BICC1: variants seen among roughly 807,000 people sequenced by gnomAD.
BICC1 encodes the protein BicC family RNA binding protein 1.
BICC1 carries 43 observed loss-of-function variants against 111.0 expected under a neutral mutation model. The observed-to-expected ratio is 0.39, with a 90% confidence interval of 0.30 to 0.50. BICC1 has a LOEUF of 0.50. Ranked by LOEUF, BICC1 falls within the 20% of genes least tolerant of loss-of-function variation. BICC1 has a pLI of 0.88. For synonymous variants in BICC1, 467 were observed against 434.4 expected, an observed-to-expected ratio of 1.07 and a Z score of -0.93; for missense variants, 1,091 against 1,203.2, an observed-to-expected ratio of 0.91 and a Z score of 1.38.
chr10:58,719,469 C>T (rs1840868956), intron 3 of BICC1, among the ~76,000 whole-genome samples: 2 of 151,964 alleles, frequency 1.3e-5, no homozygotes, highest in African/African-American at 4.8e-5. Flanking sequence ...CTCTTTCTTG[C>T]ACCAGCTCAG....
intron 1 of BICC1, among the ~76,000 whole-genome samples, chr10:58,540,147 C>T (rs1842923253): frequency 1.3e-5 from 2 of 151,762 alleles, no homozygotes; most frequent in South Asian, 2.1e-4. Flanking sequence ...AAGTTTATAG[C>T]AGTAAACATC....
chr10:58,513,442 T>G, intron 1 of BICC1, 109 bp downstream of exon 1: 2 of 1,084,086 alleles, frequency 1.8e-6, no homozygotes, highest in Non-Finnish European at 2.5e-6. Context: ...GCCGGCCGGT[T>G]TAGCTCCAGG....
chr10:58,789,439 A>G lies in BICC1; in HGVS notation c.778A>G (p.Asn260Asp), dbSNP rs1186850388. The change falls in exon 7 of 21, where the codon AAC becomes GAC. Residue 260 changes from asparagine to aspartate, a missense_variant. By Grantham distance (23) the Asn-to-Asp change is conservative (BLOSUM62 1). Around this residue, in one of 3 missense-constraint regions of BICC1, gnomAD observed 843 missense variants for 900.8 expected, o/e 0.94. Transcript: ENST00000373886. The part of the protein sequence containing the change: ...ATVIVRGSQN[N>D]TSAVKEGTAM... ...TGTCATAGTACGAGGGTCTCAGAAT[A>G]ACACTAGTGCTGTGAAGGTAAATTA... 3.1e-6 allele frequency: 5 copies of G among 1,613,682 alleles called. No homozygotes were observed. In the East Asian group the frequency reaches 1.1e-4, roughly 36 times the overall value.
chr10:58,763,640 C>A (rs1452044238), intron 3 of BICC1, among the ~76,000 whole-genome samples: 1 of 151,956 alleles, frequency 6.6e-6, no homozygotes, highest in African/African-American at 2.4e-5. Flanking sequence ...GATCTGTTAA[C>A]CTTTGGATTG....
intron 1 of BICC1, among the ~76,000 whole-genome samples, chr10:58,590,453 A>G (rs1193397528): frequency 2.0e-5 from 3 of 152,144 alleles, no homozygotes; most frequent in Non-Finnish European, 4.4e-5. Flanking sequence ...CCCATTTTAG[A>G]GTATCTCTTA....
chr10:58,774,236 G>C (rs530415747), intron 3 of BICC1, among the ~76,000 whole-genome samples: 1 of 152,324 alleles, frequency 6.6e-6, no homozygotes, highest in South Asian at 2.1e-4. Context: ...AAGAGATAAA[G>C]TTGAGAAACT....
At chr10:58,596,939 G>A (rs1027894913) in intron 1 of BICC1, among the ~76,000 whole-genome samples, 1 of 152,164 alleles carries the variant, frequency 6.6e-6, no homozygotes, top group African/African-American at 2.4e-5. Context: ...CCATGCTCAT[G>A]GATAGGAAGA....
At chr10:58,791,708 C>G (rs1334696107) in intron 8 of BICC1, among the ~76,000 whole-genome samples, 1 of 152,084 alleles carries the variant, frequency 6.6e-6, no homozygotes, top group Non-Finnish European at 1.5e-5. Context: ...CCACTGCACT[C>G]CAGCCTGGGT....
At chr10:58,684,107 G>A (rs528198487) in intron 2 of BICC1, among the ~76,000 whole-genome samples, 1 of 152,260 alleles carries the variant, frequency 6.6e-6, no homozygotes, top group East Asian at 1.9e-4. Context: ...TTCGTCGAAG[G>A]CCTTTTCTGC....
At chr10:58,804,486 C>G (rs995925261) in intron 15 of BICC1, among the ~76,000 whole-genome samples, 1 of 152,056 alleles carries the variant, frequency 6.6e-6, no homozygotes, top group Non-Finnish European at 1.5e-5. Flanking sequence ...CCACTGCACT[C>G]TAGCCTGGGA....
chr10:58,731,882 T>G (rs1043744347), intron 3 of BICC1, among the ~76,000 whole-genome samples: 6 of 152,238 alleles, frequency 3.9e-5, no homozygotes, highest in Admixed American at 6.5e-5. Context: ...CCACCAGGCC[T>G]TACCTCCAAC....
intron 1 of BICC1, among the ~76,000 whole-genome samples, chr10:58,542,155 A>C (rs1843002539): frequency 6.8e-6 from 1 of 147,596 alleles, no homozygotes; most frequent in South Asian, 2.1e-4. Context: ...TGTCTCAAAA[A>C]AAAAAAAAAA....
chr10:58,644,122 C>A (rs1170555273), intron 2 of BICC1, among the ~76,000 whole-genome samples: 1 of 152,034 alleles, frequency 6.6e-6, no homozygotes, highest in Non-Finnish European at 1.5e-5. Context: ...GGTTATCTGG[C>A]CTTTAGAATA....
intron 1 of BICC1, among the ~76,000 whole-genome samples, chr10:58,538,395 T>C (rs1229793548): frequency 6.6e-6 from 1 of 151,972 alleles, no homozygotes; most frequent in Non-Finnish European, 1.5e-5. Context: ...ATTAAATAAA[T>C]GGTGATGGGA....
At chr10:58,756,524 T>C (rs1454458930) in intron 3 of BICC1, among the ~76,000 whole-genome samples, 1 of 151,336 alleles carries the variant, frequency 6.6e-6, no homozygotes, top group East Asian at 1.9e-4. Flanking sequence ...AAGAGTCCTG[T>C]TTGCTCATTT....
At chr10:58,600,748 G>C (rs538232910) in intron 1 of BICC1, among the ~76,000 whole-genome samples, 67 of 152,130 alleles carry the variant, frequency 4.4e-4, no homozygotes, top group African/African-American at 1.6e-3. Context: ...TGAGGATGAA[G>C]AACTTTATGA....
rs140582480 is a variant in BICC1, at chr10:58,756,514, A to G, written c.308-28487A>G. 5.3e-5 allele frequency among the ~76,000 whole-genome samples: 8 copies of G among 151,394 alleles called. 1 individual carries two copies. The highest frequency in any genetic ancestry group is 1.9e-4 in the African/African-American group (8 of 41,432). ...CCATTCCCTTTCTAGCAGGACACCCAAGAGTCCTGTTTGCTCATTTCCTCT... is the reference window on the plus strand; with the variant it reads ...CCATTCCCTTTCTAGCAGGACACCCGAGAGTCCTGTTTGCTCATTTCCTCT... On this transcript the variant is annotated intron_variant, in intron 3 of 20. Transcript: ENST00000373886.
intron 20 of BICC1, among the ~76,000 whole-genome samples, chr10:58,822,292 G>T (rs1370011344): frequency 6.6e-6 from 1 of 151,894 alleles, no homozygotes; most frequent in Non-Finnish European, 1.5e-5. Context: ...TCATTTTTTG[G>T]TGTCCCAACC....
At chr10:58,590,963 T>C (rs1844595217) in intron 1 of BICC1, among the ~76,000 whole-genome samples, 1 of 152,212 alleles carries the variant, frequency 6.6e-6, no homozygotes, top group Non-Finnish European at 1.5e-5. Context: ...TCTCTCAGGC[T>C]TTGCCTTTTC....
Sources: gnomAD v4.1 joint callset for allele counts (sites outside exome capture counted in the v4.1 genomes callset) on GRCh38, gnomAD v4.1.1 for gene constraint, gnomAD v4.1.1 regional missense constraint, MANE v1.5 for transcripts, NCBI Gene and HGNC (gene_info 2026-07-23, HGNC 2026-07-21) for gene names.